Variants in ORM2 observed in about 807,000 individuals in gnomAD.
The protein encoded by ORM2 is alpha-1-acid glycoprotein 2.
A neutral mutation model predicts 26.8 loss-of-function variants in ORM2; 19 were observed. The ratio of observed to expected loss-of-function variants is 0.71; its 90% confidence interval spans 0.49 to 1.04. The LOEUF is 1.04. Ranked by LOEUF, ORM2 falls within the 50% of genes least tolerant of loss-of-function variation. The pLI is 0.00. For synonymous variants in ORM2, 94 were observed against 100.0 expected (o/e 0.94, Z 0.36); for missense variants, 259 against 244.9 (o/e 1.06, Z -0.39).
At chr9:114,331,246 T>C (rs1286447444) in intron 3 of ORM2, among the ~76,000 whole-genome samples, 1 of 152,090 alleles carries the variant, frequency 6.6e-6, no homozygotes, top group African/African-American at 2.4e-5. Flanking sequence ...AGGTGGCACA[T>C]GGCAGGGATC....
At chr9:114,331,963 T>C in intron 5 of ORM2, 34 bp downstream of exon 5, 1 of 1,592,002 alleles carries the variant, frequency 6.3e-7, no homozygotes, top group Non-Finnish European at 8.6e-7. Context: ...GCCCACCTTG[T>C]CCATGGCCCA....
At chr9:114,332,865 T>C (rs1311492837) in intron 5 of ORM2, among the ~76,000 whole-genome samples, 2 of 152,146 alleles carry the variant, frequency 1.3e-5, no homozygotes, top group Non-Finnish European at 2.9e-5. Flanking sequence ...TGAGCTCCCA[T>C]TGTAGAGGCA....
At chr9:114,330,302 A>C (rs71505503) in intron 1 of ORM2, 132 bp from the exon 2 acceptor site, 152,146 of 972,348 alleles carry the variant, frequency 0.16, 13,890 homozygotes, top group South Asian at 0.27. Flanking sequence ...GAGCTCCTGC[A>C]TGCGCACTGC....
chr9:114,331,528 A>G, intron 3 of ORM2, 39 bp from the exon 4 acceptor site: 1 of 1,531,580 alleles, frequency 6.5e-7, no homozygotes, highest in Non-Finnish European at 9.0e-7. Context: ...CCATTGTGCC[A>G]TCCCATGTTC....
intron 5 of ORM2, among the ~76,000 whole-genome samples, chr9:114,332,852 G>C (rs1039375416): frequency 1.3e-5 from 2 of 152,182 alleles, no homozygotes; most frequent in African/African-American, 4.8e-5. Flanking sequence ...GTTCTTAAGG[G>C]TCTGAGCTCC....
At chr9:114,331,966 A>C in intron 5 of ORM2, 37 bp downstream of exon 5, 1 of 1,588,774 alleles carries the variant, frequency 6.3e-7, no homozygotes, top group East Asian at 2.2e-5. Flanking sequence ...CACCTTGTCC[A>C]TGGCCCAACT....
Position 114,330,780 on chromosome 9 carries a change from G to A in ORM2, c.258-12G>A. 1 of 1,613,404 alleles carries A rather than the reference G, an allele frequency of 6.2e-7. No individual in the cohort carries two copies. The highest frequency in any genetic ancestry group is 8.5e-7 in the Non-Finnish European group (1 of 1,179,572). ...CATTACTGTTTTTCTTCCGCCTTCT[G>A]GTTGACTTTAGCCAGAACCAGTGCT... On this transcript the variant is annotated splice_polypyrimidine_tract_variant and intron_variant, in intron 2 of 5. Coordinates refer to ENST00000431067, the MANE Select transcript of ORM2 (RefSeq NM_000608.4).
intron 3 of ORM2, 35 bp from the exon 4 acceptor site, chr9:114,331,532 C>T (rs1829850895): frequency 6.5e-7 from 1 of 1,550,270 alleles, no homozygotes; most frequent in African/African-American, 1.4e-5. Context: ...TGTGCCATCC[C>T]ATGTTCTCAC....
At chr9:114,332,480 A>G (rs1283295954) in intron 5 of ORM2, among the ~76,000 whole-genome samples, 1 of 152,138 alleles carries the variant, frequency 6.6e-6, no homozygotes, top group Non-Finnish European at 1.5e-5. Context: ...TACCTGTGAA[A>G]TCACAGCACC....
chr9:114,330,997 G>A (rs113633242), intron 3 of ORM2, 135 bp downstream of exon 3: 13 of 681,730 alleles, frequency 1.9e-5, no homozygotes, highest in South Asian at 7.3e-5. Context: ...CTCTTACCAC[G>A]TGCTCAGAAA....
intron 3 of ORM2, 82 bp from the exon 4 acceptor site, chr9:114,331,485 C>A: frequency 8.8e-7 from 1 of 1,131,758 alleles, no homozygotes; most frequent in Non-Finnish European, 1.3e-6. Context: ...TGGCCCCGGA[C>A]ACACCTAGGA....
rs1318336267 is a variant in ORM2 at position 114,332,955 on chromosome 9, C to T, written c.541-114C>T. 3.3e-6 allele frequency: 5 copies of T among 1,525,186 alleles called. No individual in the cohort carries two copies. In the Admixed American group the frequency reaches 1.0e-4, roughly 31 times the overall value. 94.5% of individuals were successfully genotyped at this position (1,525,186 alleles called of 1,614,324 possible). A position where few individuals can be genotyped will look rare whatever the true frequency, so the allele number is the denominator to read the frequency against. On this transcript the variant is annotated intron_variant, in intron 5 of 5. Coordinates refer to ENST00000431067, the MANE Select transcript of ORM2 (RefSeq NM_000608.4). Reference sequence around the variant, plus strand: ...AAGTGACAGTGCCAGGGTTGGAGCCCTGGTTGAGCTGGTTCCACAGGCCAG... The same window carrying T: ...AAGTGACAGTGCCAGGGTTGGAGCCTTGGTTGAGCTGGTTCCACAGGCCAG...
At chr9:114,330,305 C>A in intron 1 of ORM2, 129 bp from the exon 2 acceptor site, 2 of 1,026,330 alleles carry the variant, frequency 1.9e-6, no homozygotes, top group Middle Eastern at 2.0e-4. Flanking sequence ...CTCCTGCATG[C>A]GCACTGCCCA....
chr9:114,332,657 C>T (rs1337524969), intron 5 of ORM2, among the ~76,000 whole-genome samples: 1 of 152,086 alleles, frequency 6.6e-6, no homozygotes, highest in African/African-American at 2.4e-5. Context: ...TGAACGCAAC[C>T]ACTGTAGTCA....
At chr9:114,331,186 C>G (rs1325137714) in intron 3 of ORM2, among the ~76,000 whole-genome samples, 1 of 152,076 alleles carries the variant, frequency 6.6e-6, no homozygotes, top group Non-Finnish European at 1.5e-5. Flanking sequence ...ATGGTAGAAG[C>G]CTGTATGTTG....
rs758930970 is a variant in ORM2 at position 114,331,588 on chromosome 9, C to T, written c.350C>T (p.Ala117Val). ...SRYEGGREHV[A>V]HLLFLRDTKT... ...CCAGAGGGAGGCCGAGAACATGTTG[C>T]TCACCTGCTGTTCCTTAGGGACACC... The change falls in exon 4 of 6, where the codon GCT (alanine) becomes GTT (valine). Residue 117 changes from alanine to valine, a missense_variant. Ala to Val is a moderately conservative substitution (Grantham distance 64, BLOSUM62 0). Transcript: ENST00000431067. 9.9e-6 allele frequency: 16 copies of T among 1,613,928 alleles called. No homozygotes were observed. The highest frequency in any genetic ancestry group is 1.4e-5 in the Non-Finnish European group (16 of 1,179,930).
rs1292497895 is a variant in ORM2, at chr9:114,331,472, T to G, written c.329-95T>G. The G allele has an allele frequency of 5.9e-5, 59 of 995,552 alleles. No homozygotes were observed. The East Asian group carries it at 9.6e-4, about 16-fold the overall frequency. 61.7% of individuals were successfully genotyped at this position (995,552 alleles called of 1,614,324 possible). On this transcript the variant is annotated intron_variant, in intron 3 of 5. Coordinates refer to ENST00000431067, the MANE Select transcript of ORM2 (RefSeq NM_000608.4). ...AGACCCGGGCCTTCACTGATGGGCT[T>G]TGTGGCCCCGGACACACCTAGGACT... is the stretch of plus-strand genomic sequence containing the variant.
At chr9:114,331,252 G>A (rs1449292989) in intron 3 of ORM2, among the ~76,000 whole-genome samples, 1 of 152,060 alleles carries the variant, frequency 6.6e-6, no homozygotes, top group Non-Finnish European at 1.5e-5. Flanking sequence ...CACATGGCAG[G>A]GATCTGATGG....
chr9:114,330,681 G>A (rs1248057535), intron 2 of ORM2, 105 bp downstream of exon 2: 7 of 1,602,510 alleles, frequency 4.4e-6, no homozygotes, highest in Non-Finnish European at 5.1e-6. Context: ...GTGGAACCGG[G>A]AGGGTTGGCT....
Sources: gnomAD v4.1 joint callset for allele counts (sites outside exome capture counted in the v4.1 genomes callset) on GRCh38, gnomAD v4.1.1 for gene constraint, MANE v1.5 for transcripts, NCBI Gene and HGNC (gene_info 2026-07-23, HGNC 2026-07-21) for gene names.